CYP2W1: variants seen among roughly 807,000 people sequenced by gnomAD.
CYP2W1 encodes cytochrome P450 2W1.
CYP2W1 carries 51 observed loss-of-function variants against 44.9 expected under a neutral mutation model. The observed-to-expected ratio is 1.14, with a 90% CI of 0.91 to 1.43. The LOEUF is 1.43. Among genes scored for constraint, CYP2W1 ranks in the 40% most tolerant of loss-of-function variants. CYP2W1 has a pLI of 0.00. For missense variants in CYP2W1, 746 were observed against 700.0 expected, an observed-to-expected ratio of 1.07 and a Z score of -0.74; for synonymous variants, 383 against 338.3, an observed-to-expected ratio of 1.13 and a Z score of -1.45.
chr7:984,188 A>G (rs531954570), intron 1 of CYP2W1, among the ~76,000 whole-genome samples: 3 of 152,168 alleles, frequency 2.0e-5, no homozygotes, highest in Non-Finnish European at 4.4e-5. Flanking sequence ...ATCCCACAAC[A>G]GCCATGCCAA....
In CYP2W1 at chr7:988,902, C is replaced by A. The variant is rs568088518; in HGVS notation, c.*80C>A. 15 of 896,538 alleles carry A rather than the reference C, an allele frequency of 1.7e-5. No individual in the cohort carries two copies. The South Asian group carries it at 2.3e-4, about 14-fold the overall frequency. The allele number at this position is 896,538 out of a possible 1,614,324, so 55.5% of individuals were successfully genotyped here. On this transcript the variant is annotated 3_prime_UTR_variant, in exon 9 of 9. Transcript: ENST00000308919. ...TCCCACCCTCTCTCCTCCCACCCCA[C>A]AGCTCGGACTGCTCTGGGAGGGCCC...
chr7:989,435 GC>G lies in CYP2W1; in HGVS notation c.*614del, dbSNP rs1848650356. On this transcript the variant is annotated 3_prime_UTR_variant, in exon 9 of 9. Transcript: ENST00000308919. ...CACTGGCGCCAGAGGCTTCCTTGGG[GC>G]GGGGGGAGGGCACCTCAGCCCCTGA... is the stretch of plus-strand genomic sequence containing the variant. 1 of 153,312 alleles carries G rather than the reference GC, an allele frequency of 6.5e-6. No homozygotes were observed. Among genetic ancestry groups the G allele is most frequent in the Non-Finnish European group, 1.5e-5 (1 of 68,872 alleles). The allele number at this position is 153,312 out of a possible 1,614,324, so 9.5% of individuals were successfully genotyped here.
intron 4 of CYP2W1, chr7:986,414 G>C (rs1363274726): frequency 3.3e-6 from 2 of 605,282 alleles, no homozygotes; most frequent in African/African-American, 3.8e-5. Context: ...AACCTGCCTG[G>C]CTGTCCCCTT....
At chr7:986,489 C>A in intron 4 of CYP2W1, 135 bp from the exon 5 acceptor site, 1 of 1,022,240 alleles carries the variant, frequency 9.8e-7, no homozygotes, top group Non-Finnish European at 1.5e-6. Flanking sequence ...AGGGTCCCCC[C>A]GTTCTGTGGC....
intron 5 of CYP2W1, 36 bp from the exon 6 acceptor site, chr7:987,071 A>C (rs1848409068): frequency 6.8e-7 from 1 of 1,473,724 alleles, no homozygotes; most frequent in Non-Finnish European, 9.0e-7. Flanking sequence ...GACAGACCCC[A>C]GATCATCCCA....
rs772417891 is a variant in CYP2W1 at position 987,494 on chromosome 7, C to T, written c.1106C>T (p.Ala369Val). The T allele has an allele frequency of 2.8e-5, 43 of 1,546,270 alleles. No homozygotes were observed. Among genetic ancestry groups the T allele is most frequent in the African/African-American group, 9.5e-5 (7 of 73,510 alleles). ...TLLPHVPRCT[A>V]ADTQLGGFLL... ...CTGCCGCACGTGCCCCGCTGCACCG[C>T]GGCCGACACACAGCTGGGCGGCTTC... The change falls in exon 7 of 9, where the codon GCG becomes GTG. Residue 369 changes from alanine (A) to valine (V), a missense_variant. Ala to Val is a moderately conservative substitution (Grantham distance 64, BLOSUM62 0). Transcript: ENST00000308919.
rs766161676 is a variant in CYP2W1 at position 986,690 on chromosome 7, G to A, written c.712G>A (p.Glu238Lys). Residue 238 changes from glutamate to lysine, a missense_variant, in exon 5 of 9, where the codon GAG becomes AAG. Glu to Lys is a moderately conservative substitution (Grantham distance 56). Transcript: ENST00000308919. The part of the protein sequence containing the change: ...QLHRPVLRKI[E>K]EVRAILRTLL... The stretch of plus-strand genomic sequence containing the variant: ...GCACCGGCCCGTCCTGCGCAAGATC[G>A]AGGAGGTCCGTGCCATTCTGAGGAC... The A allele has an allele frequency of 9.9e-6, 16 of 1,612,458 alleles. No homozygotes were observed. Among genetic ancestry groups the A allele is most frequent in the African/African-American group, 5.3e-5 (4 of 74,914 alleles).
chr7:984,590 G>C lies in CYP2W1; in HGVS notation c.337+16G>C. ...CGAGGTGGAGGTCGGTGTGTGGCCG[G>C]CGCTACGGGGCCTACTGGGTGTGGG... On this transcript the variant is annotated intron_variant, in intron 2 of 8. Transcript: ENST00000308919. 7 of 1,554,900 alleles carry C rather than the reference G, an allele frequency of 4.5e-6. No homozygotes were observed. Among genetic ancestry groups the C allele is most frequent in the Non-Finnish European group, 6.1e-6 (7 of 1,155,078 alleles).
At chr7:988,580 C>T (rs1482452870) in intron 8 of CYP2W1, 55 bp from the exon 9 acceptor site, 2 of 1,598,592 alleles carry the variant, frequency 1.3e-6, no homozygotes, top group Non-Finnish European at 8.5e-7. Flanking sequence ...CCCCACCCCT[C>T]CCCTCCAGGA....
chr7:983,339 A>C lies in CYP2W1; in HGVS notation c.128A>C (p.Asn43Thr), dbSNP rs1287498814. 6.5e-7 allele frequency: 1 copy of C among 1,538,390 alleles called. No homozygotes were observed. The highest frequency in any genetic ancestry group is 8.7e-7 in the Non-Finnish European group (1 of 1,144,486). ...PGPRPLPLVG[N>T]LHLLRLSQQD... is the part of the protein sequence containing the mutation. ...CCTCGCCCGCTGCCGCTCGTCGGGA[A>C]CCTGCACTTGCTGCGTCTGTCGCAA... The change falls in exon 1 of 9, where the codon AAC becomes ACC. Residue 43 changes from asparagine to threonine, a missense_variant. Coordinates refer to ENST00000308919, the MANE Select transcript of CYP2W1 (RefSeq NM_017781.3).
Position 986,758 on chromosome 7 carries a change from C to T in CYP2W1, c.780C>T (p.Pro260=), listed in dbSNP as rs762835244. ...ARRPHVCPGD[P]VCSYVDALIQ... ...GGCCCCACGTGTGCCCGGGGGACCCCGTGTGCAGCTATGTGGACGCCCTGA... is the reference window on the plus strand; with the variant it reads ...GGCCCCACGTGTGCCCGGGGGACCCTGTGTGCAGCTATGTGGACGCCCTGA... The change falls in exon 5 of 9, where the codon CCC becomes CCT. Residue 260 remains proline (P), a synonymous_variant. Transcript: ENST00000308919. 4.0e-5 allele frequency: 64 copies of T among 1,602,804 alleles called. No individual in the cohort carries two copies. Among genetic ancestry groups the T allele is most frequent in the Admixed American group, 5.1e-5 (3 of 58,772 alleles).
intron 5 of CYP2W1, 113 bp from the exon 6 acceptor site, chr7:986,983 CGCTGAGGGATG>C: frequency 7.3e-7 from 1 of 1,367,736 alleles, no homozygotes; most frequent in Non-Finnish European, 9.6e-7. Context: ...GCCTCGGGGA[CGCTGAGGGATG>C]GCTGAGCCCA....
chr7:987,029 G>C, intron 5 of CYP2W1, 78 bp from the exon 6 acceptor site: 1 of 1,425,630 alleles, frequency 7.0e-7, no homozygotes, highest in South Asian at 1.5e-5. Context: ...CCATAGTGGA[G>C]CCCAGGGCTG....
chr7:984,428 G>T lies in CYP2W1; in HGVS notation c.191G>T (p.Gly64Val). 6.5e-7 allele frequency: 1 copy of T among 1,548,482 alleles called. No individual in the cohort carries two copies. ...CCCTGCCAGCTCTCAGAACGCTACG[G>T]GCCGGTGTTCACCGTGCACCTGGGG... ...RSLMELSERY[G>V]PVFTVHLGRQ... The change falls in exon 2 of 9, where the codon GGG becomes GTG. Residue 64 changes from glycine to valine, a missense_variant. Coordinates refer to ENST00000308919, the MANE Select transcript of CYP2W1 (RefSeq NM_017781.3).
chr7:983,304 G>A lies in CYP2W1; in HGVS notation c.93G>A (p.Trp31Ter). 6.5e-7 allele frequency: 1 copy of A among 1,541,572 alleles called. No individual in the cohort carries two copies. The highest frequency in any genetic ancestry group is 8.7e-7 in the Non-Finnish European group (1 of 1,144,976). ...AAGACCCCTCCCCAGCTGCCCGGTG[G>A]CCCCCGGGGCCTCGCCCGCTGCCGC... Reference protein sequence around the residue: ...CAQDPSPAARWPPGPRPLPLV... With the variant: ...CAQDPSPAAR The change falls in exon 1 of 9, where the codon TGG (tryptophan) becomes TGA (stop). Residue 31 changes from tryptophan (W) to a stop codon, truncating the protein, a stop_gained. Transcript: ENST00000308919. LOFTEE classifies it high-confidence loss of function.
Position 986,659 on chromosome 7 carries a change from C to A in CYP2W1, c.681C>A (p.Leu227=). The change falls in exon 5 of 9, where the codon CTC becomes CTA. Residue 227 remains leucine, a synonymous_variant. Coordinates refer to ENST00000308919, the MANE Select transcript of CYP2W1 (RefSeq NM_017781.3). The stretch of plus-strand genomic sequence containing the variant: ...TCTACCCATGGCTCGGGGCCCTGCT[C>A]CAGCTGCACCGGCCCGTCCTGCGCA... The part of the protein sequence containing the change: ...FNVYPWLGAL[L]QLHRPVLRKI... 1 of 1,612,726 alleles carries A rather than the reference C, an allele frequency of 6.2e-7. No individual in the cohort carries two copies. The highest frequency in any genetic ancestry group is 8.5e-7 in the Non-Finnish European group (1 of 1,179,904).
rs771970799 is a variant in CYP2W1, at chr7:985,035, G to A, written c.423G>A (p.Glu141=). ...RALHSLGVGR[E]PVADKILQEL... is the part of the protein sequence containing the mutation. ...TGCACAGCCTGGGCGTGGGCCGGGAGCCGGTGGCTGACAAGATTCTGCAGG... is the reference window on the plus strand; with the variant it reads ...TGCACAGCCTGGGCGTGGGCCGGGAACCGGTGGCTGACAAGATTCTGCAGG... Residue 141 remains glutamate, a synonymous_variant, in exon 3 of 9, where the codon GAG becomes GAA. Transcript: ENST00000308919. 2.5e-6 allele frequency: 4 copies of A among 1,612,416 alleles called. No homozygotes were observed. The South Asian group carries it at 4.4e-5, about 18-fold the overall frequency.
In CYP2W1 at chr7:985,254, C is replaced by T. The variant is rs1250042206; in HGVS notation, c.576C>T (p.Asp192=). The part of the protein sequence containing the change: ...LLFGRRFDYR[D]PVFVSLLGLI... The stretch of plus-strand genomic sequence containing the variant: ...TCGGCCGCCGATTTGACTACCGGGA[C>T]CCCGTGTTTGTGTCCCTGCTGGGTC... Residue 192 remains aspartate (D), a synonymous_variant, in exon 4 of 9, where the codon GAC becomes GAT. Coordinates refer to ENST00000308919, the MANE Select transcript of CYP2W1 (RefSeq NM_017781.3). 4 of 1,551,836 alleles carry T rather than the reference C, an allele frequency of 2.6e-6. No homozygotes were observed. In the Admixed American group the frequency reaches 5.9e-5, roughly 23 times the overall value.
intron 7 of CYP2W1, 64 bp from the exon 8 acceptor site, chr7:988,213 C>T (rs1848540545): frequency 6.6e-7 from 1 of 1,506,348 alleles, no homozygotes; most frequent in Non-Finnish European, 8.9e-7. Context: ...ATGAAACTTC[C>T]CAACCCAGGC....
Sources: gnomAD v4.1 joint callset for allele counts (sites outside exome capture counted in the v4.1 genomes callset) on GRCh38, gnomAD v4.1.1 for gene constraint, MANE v1.5 for transcripts, NCBI Gene and HGNC (gene_info 2026-07-23, HGNC 2026-07-21) for gene names.